Variants in SEPTIN7 observed in about 807,000 individuals in gnomAD.
The protein encoded by SEPTIN7 is septin 7.
A neutral mutation model predicts 63.3 loss-of-function variants in SEPTIN7; 10 were observed. The ratio of observed to expected loss-of-function variants is 0.16; its 90% CI spans 0.10 to 0.27. The LOEUF (loss-of-function observed/expected upper bound fraction) is 0.27, where lower values mean the gene tolerates loss of function less well. Among genes scored for constraint, SEPTIN7 ranks in the 10% least tolerant of loss-of-function variants. The probability of loss-of-function intolerance (pLI) is 1.00; values close to 1 mark genes in which losing one functional copy is unlikely to be tolerated. For synonymous variants in SEPTIN7, 131 were observed against 165.3 expected (o/e 0.79, Z 1.59); for missense variants, 310 against 521.0 (o/e 0.59, Z 3.94).
chr7:35,834,113 G>A (rs116513888), intron 3 of SEPTIN7, among the ~76,000 whole-genome samples: 1,991 of 151,780 alleles, frequency 0.013, 49 homozygotes, highest in African/African-American at 0.046. Context: ...CCTTTTCTTC[G>A]GTAGGTTGGT....
At chr7:35,885,317 G>A (rs927116553) in intron 9 of SEPTIN7, among the ~76,000 whole-genome samples, 11 of 151,970 alleles carry the variant, frequency 7.2e-5, no homozygotes, top group Non-Finnish European at 1.0e-4. Context: ...TTAAAAATAC[G>A]CACCGGAGAA....
chr7:35,817,431 T>C (rs1207489195), intron 1 of SEPTIN7, among the ~76,000 whole-genome samples: 1 of 152,090 alleles, frequency 6.6e-6, no homozygotes, highest in Non-Finnish European at 1.5e-5. Flanking sequence ...TACCACACTG[T>C]TTTGATGACT....
chr7:35,831,696 T>C, intron 2 of SEPTIN7, 200 bp downstream of exon 2: 1 of 231,700 alleles, frequency 4.3e-6, no homozygotes, highest in Non-Finnish European at 8.6e-6. Context: ...ATAGTTAGCT[T>C]TTCATTTTAA....
At chr7:35,847,500 A>G (rs982475297) in intron 3 of SEPTIN7, 2 of 152,090 alleles carry the variant, frequency 1.3e-5, no homozygotes, top group African/African-American at 4.9e-5. Context: ...ATTTGGTATT[A>G]GAGGTTTTAC....
chr7:35,856,153 T>TCTGTTTTCTTACATATC (rs1562552248), intron 3 of SEPTIN7, among the ~76,000 whole-genome samples: 4 of 152,240 alleles, frequency 2.6e-5, no homozygotes, highest in Non-Finnish European at 5.9e-5. Flanking sequence ...CATACTCTTA[T>TCTGTTTTCTTACATATC]ACTAATTTGA....
chr7:35,811,671 G>C (rs1328657941), intron 1 of SEPTIN7, among the ~76,000 whole-genome samples: 1 of 152,168 alleles, frequency 6.6e-6, no homozygotes, highest in African/African-American at 2.4e-5. Context: ...CTGATCACTT[G>C]AGGTCAGGAG....
At chr7:35,883,468 CA>C (rs1378390825) in intron 8 of SEPTIN7, among the ~76,000 whole-genome samples, 3 of 152,032 alleles carry the variant, frequency 2.0e-5, no homozygotes, top group Non-Finnish European at 2.9e-5. Flanking sequence ...TAGAGCTTAA[CA>C]AATATACTAT....
intron 6 of SEPTIN7, among the ~76,000 whole-genome samples, chr7:35,876,274 TG>T (rs1233111799): frequency 6.6e-6 from 1 of 152,168 alleles, no homozygotes; most frequent in Non-Finnish European, 1.5e-5. Flanking sequence ...TCTTGTTATT[TG>T]GATTTTAATA....
At chr7:35,903,297 A>G in intron 13 of SEPTIN7, 82 bp downstream of exon 13, 1 of 1,440,634 alleles carries the variant, frequency 6.9e-7, no homozygotes, top group Non-Finnish European at 9.1e-7. Context: ...AAACATTAGA[A>G]TAACACTTAA....
intron 3 of SEPTIN7, among the ~76,000 whole-genome samples, chr7:35,848,430 G>A (rs1447117090): frequency 6.6e-6 from 1 of 151,942 alleles, no homozygotes; most frequent in Non-Finnish European, 1.5e-5. Flanking sequence ...ACCATGCCCA[G>A]CTAATTTTTT....
chr7:35,835,890 A>T (rs1039516045), intron 3 of SEPTIN7, among the ~76,000 whole-genome samples: 4 of 152,190 alleles, frequency 2.6e-5, no homozygotes, highest in African/African-American at 9.7e-5. Flanking sequence ...GTCACTTTTT[A>T]TGTGTTCAAA....
intron 1 of SEPTIN7, among the ~76,000 whole-genome samples, chr7:35,808,255 C>T (rs564363640): frequency 6.6e-6 from 1 of 152,248 alleles, no homozygotes; most frequent in Non-Finnish European, 1.5e-5. Flanking sequence ...TCCTCGGCAT[C>T]CTGTGTTAAC....
intron 12 of SEPTIN7, chr7:35,899,161 A>AG (rs774548010): frequency 3.9e-5 from 6 of 152,248 alleles, no homozygotes; most frequent in Non-Finnish European, 8.8e-5. Flanking sequence ...TGAGAATAGT[A>AG]GAAAAAAAAC....
Position 35,850,057 on chromosome 7 carries a change from A to G in SEPTIN7, c.170-13495A>G, listed in dbSNP as rs186318345. Among the ~76,000 whole-genome samples, 7 of 152,322 alleles carry G rather than the reference A, an allele frequency of 4.6e-5. No individual in the cohort carries two copies. In the East Asian group the frequency reaches 1.3e-3, roughly 29 times the overall value. On this transcript the variant is annotated intron_variant, in intron 3 of 13. Transcript: ENST00000350320. Reference sequence around the variant, plus strand: ...ACATAAGAATTTCTTAATTTCATCTACCTTTCAAATCATTTGGGAAGCTTC... The same window carrying G: ...ACATAAGAATTTCTTAATTTCATCTGCCTTTCAAATCATTTGGGAAGCTTC...
intron 1 of SEPTIN7, among the ~76,000 whole-genome samples, chr7:35,820,228 G>A (rs750860080): frequency 2.0e-5 from 3 of 152,096 alleles, no homozygotes; most frequent in Admixed American, 2.0e-4. Context: ...GTTTGGTTAT[G>A]TGTGGGTCTC....
At chr7:35,892,979 G>A (rs1433469664) in intron 11 of SEPTIN7, among the ~76,000 whole-genome samples, 3 of 152,058 alleles carry the variant, frequency 2.0e-5, no homozygotes, top group Non-Finnish European at 2.9e-5. Flanking sequence ...GAAAGAAATC[G>A]CTTAGAAGTT....
chr7:35,908,605 G>A (rs1297705309), downstream of SEPTIN7, among the ~76,000 whole-genome samples: 1 of 152,230 alleles, frequency 6.6e-6, no homozygotes, highest in Non-Finnish European at 1.5e-5. Flanking sequence ...TCTGAGAGCA[G>A]AGGTTTGTGA....
At chr7:35,820,139 A>G (rs913519482) in intron 1 of SEPTIN7, among the ~76,000 whole-genome samples, 1 of 152,086 alleles carries the variant, frequency 6.6e-6, no homozygotes, top group African/African-American at 2.4e-5. Context: ...GATGTCAGCT[A>G]TTCTTATTTA....
chr7:35,914,889 T>G, the SEPTIN7 span, among the ~76,000 whole-genome samples: 16 of 152,074 alleles, frequency 1.1e-4, no homozygotes, highest in African/African-American at 3.9e-4. Flanking sequence ...TAGATATGTA[T>G]GTGCACGTAG....
Sources: gnomAD v4.1 joint callset for allele counts (sites outside exome capture counted in the v4.1 genomes callset) on GRCh38, gnomAD v4.1.1 for gene constraint, MANE v1.5 for transcripts, NCBI Gene and HGNC (gene_info 2026-07-23, HGNC 2026-07-21) for gene names.